ADGRL3: variants seen among roughly 807,000 people sequenced by gnomAD.
ADGRL3 encodes the protein calcium-independent alpha-latrotoxin receptor 3.
A neutral mutation model predicts 153.5 loss-of-function variants in ADGRL3; 62 were observed. The observed-to-expected ratio is 0.40, with a 90% confidence interval of 0.33 to 0.50. ADGRL3 has a LOEUF of 0.50. Ranked by LOEUF, ADGRL3 falls within the 20% of genes least tolerant of loss-of-function variation. The probability of loss-of-function intolerance (pLI) is 0.47; values close to 1 mark genes in which losing one functional copy is unlikely to be tolerated. For missense variants in ADGRL3, 1,641 were observed against 1,859.4 expected (o/e 0.88, Z 2.16); for synonymous variants, 710 against 672.5 (o/e 1.06, Z -0.86).
chr4:61,481,445 A>G (rs575722336), intron 2 of ADGRL3, among the ~76,000 whole-genome samples: 3 of 152,238 alleles, frequency 2.0e-5, no homozygotes, highest in African/African-American at 7.2e-5. Flanking sequence ...CATGTCCTTC[A>G]TGTGGGCAAA....
chr4:61,772,646 G>A (rs982799268), intron 8 of ADGRL3, among the ~76,000 whole-genome samples: 1 of 152,082 alleles, frequency 6.6e-6, no homozygotes, highest in African/African-American at 2.4e-5. Context: ...GGGAAATTTA[G>A]CAAAGCCTAT....
intron 13 of ADGRL3, among the ~76,000 whole-genome samples, chr4:61,931,041 G>A (rs1298942614): frequency 6.6e-6 from 1 of 152,228 alleles, no homozygotes; most frequent in Non-Finnish European, 1.5e-5. Context: ...AGCTAGTAAA[G>A]GGACATGTCA....
rs754496685 is a variant in ADGRL3, at chr4:61,948,090, T to C, written c.2629-10T>C. The C allele has an allele frequency of 7.5e-6, 12 of 1,594,836 alleles. No homozygotes were observed. In the African/African-American group the frequency reaches 8.1e-5, roughly 11 times the overall value. On this transcript the variant is annotated splice_polypyrimidine_tract_variant and intron_variant, in intron 16 of 26. Coordinates refer to ENST00000683033, the MANE Select transcript of ADGRL3 (RefSeq NM_001387552.1). ...AGTTGTTGATTTTATGGATTTTTTTTCCCCTGTAGCAGTCAGAGGAAAATT... is the reference window on the plus strand; with the variant it reads ...AGTTGTTGATTTTATGGATTTTTTTCCCCCTGTAGCAGTCAGAGGAAAATT...
intron 1 of ADGRL3, among the ~76,000 whole-genome samples, chr4:61,243,486 G>GT (rs951487015): frequency 1.3e-5 from 2 of 151,960 alleles, no homozygotes; most frequent in African/African-American, 2.4e-5. Context: ...CAATGAAGAG[G>GT]TTTTCTAGGA....
intron 2 of ADGRL3, among the ~76,000 whole-genome samples, chr4:61,398,749 A>G (rs1165884066): frequency 2.6e-5 from 4 of 151,398 alleles, no homozygotes; most frequent in Non-Finnish European, 5.9e-5. Flanking sequence ...CTCCCTTGCC[A>G]TAGTCTTGAA....
intron 1 of ADGRL3, among the ~76,000 whole-genome samples, chr4:61,238,346 C>G (rs1223412522): frequency 3.9e-5 from 6 of 152,110 alleles, no homozygotes; most frequent in Non-Finnish European, 8.8e-5. Context: ...CTTATACTCT[C>G]TGTTATCTCT....
intron 3 of ADGRL3, among the ~76,000 whole-genome samples, chr4:61,512,241 A>G (rs937880561): frequency 6.6e-6 from 1 of 152,184 alleles, no homozygotes; most frequent in Non-Finnish European, 1.5e-5. Context: ...CCTGTTAGCT[A>G]AAGAGTTTTG....
At chr4:61,705,496 T>A (rs907312798) in intron 6 of ADGRL3, among the ~76,000 whole-genome samples, 4 of 147,166 alleles carry the variant, frequency 2.7e-5, no homozygotes, top group Non-Finnish European at 3.0e-5. Context: ...TACATATATT[T>A]TATATATATA....
At chr4:61,384,023 C>T (rs1411454654) in intron 2 of ADGRL3, among the ~76,000 whole-genome samples, 3 of 151,728 alleles carry the variant, frequency 2.0e-5, no homozygotes, top group Non-Finnish European at 4.4e-5. Flanking sequence ...GATTTAAGTT[C>T]ATTTCATTTT....
intron 6 of ADGRL3, among the ~76,000 whole-genome samples, chr4:61,707,578 T>A (rs1195692531): frequency 6.6e-6 from 1 of 152,232 alleles, no homozygotes; most frequent in East Asian, 1.9e-4. Flanking sequence ...TTGATTTTTT[T>A]AAGGTTATGT....
chr4:61,689,417 T>G (rs1221358156), intron 6 of ADGRL3, among the ~76,000 whole-genome samples: 2 of 152,142 alleles, frequency 1.3e-5, no homozygotes, highest in Non-Finnish European at 2.9e-5. Context: ...TAAAACAATC[T>G]AAACCATCTT....
At chr4:62,020,419 A>G (rs527822289) in intron 21 of ADGRL3, among the ~76,000 whole-genome samples, 2 of 152,208 alleles carry the variant, frequency 1.3e-5, no homozygotes, top group Admixed American at 6.6e-5. Context: ...AAGGCTCAAT[A>G]TAAGTAGAAA....
At chr4:61,534,477 G>T in intron 4 of ADGRL3, among the ~76,000 whole-genome samples, 1 of 151,870 alleles carries the variant, frequency 6.6e-6, no homozygotes, top group East Asian at 1.9e-4. Flanking sequence ...TGTGAAAAAT[G>T]ATGTCAATAA....
At chr4:61,374,790 C>T (rs1164298331) in intron 1 of ADGRL3, among the ~76,000 whole-genome samples, 1 of 151,972 alleles carries the variant, frequency 6.6e-6, no homozygotes, top group Non-Finnish European at 1.5e-5. Flanking sequence ...CTGCCCCCTG[C>T]ACAGTTGGAA....
chr4:61,388,511 G>A (rs550060435), intron 2 of ADGRL3, among the ~76,000 whole-genome samples: 3 of 152,098 alleles, frequency 2.0e-5, no homozygotes, highest in African/African-American at 4.8e-5. Flanking sequence ...ACAGTTCTTT[G>A]GGCACAAATT....
chr4:61,559,776 TAAA>T (rs936317215), intron 4 of ADGRL3, among the ~76,000 whole-genome samples: 6 of 152,038 alleles, frequency 3.9e-5, no homozygotes, highest in African/African-American at 1.4e-4. Flanking sequence ...TATACTTGCC[TAAA>T]GAAGAAATAA....
At chr4:61,995,396 TC>T (rs1247917514) in intron 19 of ADGRL3, among the ~76,000 whole-genome samples, 1 of 152,154 alleles carries the variant, frequency 6.6e-6, no homozygotes, top group Non-Finnish European at 1.5e-5. Flanking sequence ...ACTTTTATAA[TC>T]ACAGAAATAT....
intron 19 of ADGRL3, 40 bp from the exon 20 acceptor site, chr4:61,996,251 C>T (rs1343327038): frequency 1.5e-6 from 2 of 1,369,222 alleles, no homozygotes; most frequent in Non-Finnish European, 1.0e-6. Flanking sequence ...GTCCCATACC[C>T]AGTCCTTGAA....
chr4:61,586,127 A>G (rs2098945652), intron 4 of ADGRL3, among the ~76,000 whole-genome samples: 1 of 152,056 alleles, frequency 6.6e-6, no homozygotes, highest in East Asian at 1.9e-4. Context: ...AGAAGAAAGT[A>G]TTGTTGATAG....
Sources: gnomAD v4.1 joint callset for allele counts (sites outside exome capture counted in the v4.1 genomes callset) on GRCh38, gnomAD v4.1.1 for gene constraint, MANE v1.5 for transcripts, NCBI Gene and HGNC (gene_info 2026-07-23, HGNC 2026-07-21) for gene names.